The following RPS6 variants were observed in gnomAD, a reference collection of about 807,000 sequenced individuals.
RPS6 encodes small ribosomal subunit protein eS6.
RPS6 carries 1 observed loss-of-function variant against 27.1 expected under a neutral mutation model. The observed-to-expected ratio is 0.04, with a 90% CI of 0.01 to 0.18. The LOEUF is 0.18. Ranked by LOEUF, RPS6 falls within the 10% of genes least tolerant of loss-of-function variation. The pLI is 1.00. For missense variants in RPS6, 259 were observed against 319.1 expected (o/e 0.81, Z 1.44); for synonymous variants, 152 against 106.0 (o/e 1.43, Z -2.66).
intron 1 of RPS6, chr9:19,379,868 C>G (rs1312825846): frequency 2.1e-6 from 3 of 1,423,816 alleles, no homozygotes; most frequent in East Asian, 2.6e-5. Context: ...ACTCCGCAGC[C>G]GTTCACCCTC....
rs1053494027 is a variant in RPS6 at position 19,380,073 on chromosome 9, G to C, written c.6+117C>G. 5.6e-6 allele frequency: 9 copies of C among 1,610,776 alleles called. No homozygotes were observed. The African/African-American group carries it at 1.2e-4, about 22-fold the overall frequency. ...CAGAAAGGCGAGCCTTCTCCTACTT[G>C]AGACCCTTCTCCACCTAAAGCCAGG... On this transcript the variant is annotated intron_variant, in intron 1 of 5. Coordinates refer to ENST00000380394, the MANE Select transcript of RPS6 (RefSeq NM_001010.3).
At position 19,379,606 on chromosome 9, in the gene RPS6, A is replaced by T. The variant is rs751933360; in HGVS notation, c.19T>A (p.Phe7Ile). Residue 7 changes from phenylalanine to isoleucine, a missense_variant, in exon 2 of 6, where the codon TTC becomes ATC. By Grantham distance (21) the Phe-to-Ile change is conservative. Transcript: ENST00000380394. Reference protein sequence around the residue: MKLNISFPATGCQKLIE... With the variant: MKLNISIPATGCQKLIE... ...AGTTTCTGGCAGCCAGTGGCTGGGA[A>T]GGAGATGTTCAGCTAAGGATTAAAA... 1 of 1,613,810 alleles carries T rather than the reference A, an allele frequency of 6.2e-7. No individual in the cohort carries two copies.
At chr9:19,379,648 C>T (rs1261489281) in intron 1 of RPS6, 30 bp from the exon 2 acceptor site, 7 of 1,599,310 alleles carry the variant, frequency 4.4e-6, no homozygotes, top group African/African-American at 1.3e-5. Flanking sequence ...AAATAGTTTA[C>T]GAAACTATCT....
chr9:19,376,227 T>G lies in RPS6; in HGVS notation c.*66A>C. 1.5e-6 allele frequency: 2 copies of G among 1,338,536 alleles called. No homozygotes were observed. Among genetic ancestry groups the G allele is most frequent in the Non-Finnish European group, 2.1e-6 (2 of 951,630 alleles). The allele number at this position is 1,338,536 out of a possible 1,614,324, so 82.9% of individuals were successfully genotyped here. On this transcript the variant is annotated 3_prime_UTR_variant, in exon 6 of 6. Coordinates refer to ENST00000380394, the MANE Select transcript of RPS6 (RefSeq NM_001010.3). ...TTCCCTCTCTTCATTTATGTAGTTT[T>G]CTATCAGCAATGAAAAGTCAACAGA...
chr9:19,379,202 C>A, intron 2 of RPS6: 1 of 1,063,942 alleles, frequency 9.4e-7, no homozygotes, highest in Non-Finnish European at 1.3e-6. Context: ...TCAGATACAA[C>A]CCTTTTTGGC....
intron 4 of RPS6, among the ~76,000 whole-genome samples, chr9:19,377,191 A>G (rs895290943): frequency 4.6e-5 from 7 of 152,228 alleles, no homozygotes; most frequent in South Asian, 4.1e-4. Flanking sequence ...GCCTTTTCAG[A>G]TGTATTTGTT....
At chr9:19,378,995 G>C in intron 2 of RPS6, 77 bp from the exon 3 acceptor site, 2 of 1,328,478 alleles carry the variant, frequency 1.5e-6, no homozygotes, top group East Asian at 2.4e-5. Context: ...TGACCTCTGT[G>C]AACACACCTA....
In RPS6 at chr9:19,376,108, C is replaced by G. The variant is rs1017707206; in HGVS notation, c.*185G>C. On this transcript the variant is annotated 3_prime_UTR_variant, in exon 6 of 6. Transcript: ENST00000380394. ...ATCCCCTGAAAGGAACCCCTGTACA[C>G]TGACCTTGTCTTCCACTACCACACA... 5 of 576,696 alleles carry G rather than the reference C, an allele frequency of 8.7e-6. No homozygotes were observed. The highest frequency in any genetic ancestry group is 1.5e-5 in the Non-Finnish European group (5 of 330,774). 35.7% of individuals were successfully genotyped at this position (576,696 alleles called of 1,614,324 possible). A position where few individuals can be genotyped will look rare whatever the true frequency, so the allele number is the denominator to read the frequency against.
rs536973556 is a variant in RPS6, at chr9:19,378,353, C to G, written c.496+15G>C. On this transcript the variant is annotated intron_variant, in intron 4 of 5. Transcript: ENST00000380394. Reference sequence around the variant, plus strand: ...ACCAAAATTAAGCAAGCCCTAATTGCATAATCCCTCCTACCTTCTTTATTT... The same window carrying G: ...ACCAAAATTAAGCAAGCCCTAATTGGATAATCCCTCCTACCTTCTTTATTT... 12 of 1,610,378 alleles carry G rather than the reference C, an allele frequency of 7.5e-6. No homozygotes were observed. The African/African-American group carries it at 1.6e-4, about 22-fold the overall frequency.
chr9:19,376,731 C>G, intron 4 of RPS6, 80 bp from the exon 5 acceptor site: 1 of 1,406,312 alleles, frequency 7.1e-7, no homozygotes, highest in Non-Finnish European at 9.7e-7. Flanking sequence ...CAGAAATAAA[C>G]GTAAGCTTAA....
intron 4 of RPS6, among the ~76,000 whole-genome samples, chr9:19,377,923 AAAGTGGGAG>A (rs1351506184): frequency 1.3e-5 from 2 of 152,200 alleles, no homozygotes; most frequent in Non-Finnish European, 2.9e-5. Context: ...TTGGGAAGCC[AAAGTGGGAG>A]CATCACTTGA....
intron 4 of RPS6, 92 bp from the exon 5 acceptor site, chr9:19,376,743 A>G: frequency 7.7e-7 from 1 of 1,301,914 alleles, no homozygotes; most frequent in Non-Finnish European, 1.1e-6. Context: ...TAAGCTTAAC[A>G]GCATCTATGA....
At chr9:19,379,953 C>T (rs1393895158) in intron 1 of RPS6, 19 of 1,437,194 alleles carry the variant, frequency 1.3e-5, no homozygotes, top group Non-Finnish European at 1.5e-5. Context: ...GCATCCGTCC[C>T]GGCTGGGCGC....
Position 19,380,218 on chromosome 9 carries a change from G to A in RPS6, c.-23C>T, listed in dbSNP as rs756121963. 1.3e-5 allele frequency: 21 copies of A among 1,613,020 alleles called. No homozygotes were observed. Among genetic ancestry groups the A allele is most frequent in the Middle Eastern group, 1.6e-4 (1 of 6,080 alleles). On this transcript the variant is annotated 5_prime_UTR_variant, in exon 1 of 6. Transcript: ENST00000380394. ...CATCTTGAAGCAGCTGAACGCCTCC[G>A]AGGCGCCACGGAAAAGAGGGCCAAC...
intron 4 of RPS6, among the ~76,000 whole-genome samples, chr9:19,377,810 T>C (rs1441529347): frequency 6.6e-6 from 1 of 152,220 alleles, no homozygotes; most frequent in Admixed American, 6.5e-5. Context: ...ACTATTGTTA[T>C]CCATATCCTA....
chr9:19,376,015 T>A lies in RPS6; in HGVS notation c.*278A>T, dbSNP rs1829573706. ...AAAAAGATTAATAGTCCTCATCATT[T>A]CCCCTAAGTTCCATGCCATTCTGAA... On this transcript the variant is annotated 3_prime_UTR_variant, in exon 6 of 6. Transcript: ENST00000380394. The A allele has an allele frequency of 3.4e-6, 1 of 297,820 alleles. No homozygotes were observed. The highest frequency in any genetic ancestry group is 6.2e-6 in the Non-Finnish European group (1 of 160,344). 18.4% of individuals were successfully genotyped at this position (297,820 alleles called of 1,614,324 possible). A position where few individuals can be genotyped will look rare whatever the true frequency, so the allele number is the denominator to read the frequency against.
chr9:19,379,850 G>A (rs1408943580), intron 1 of RPS6: 4 of 1,425,674 alleles, frequency 2.8e-6, no homozygotes, highest in Non-Finnish European at 1.8e-6. Context: ...GACTCTGGGG[G>A]CGAGGGCACT....
Position 19,379,569 on chromosome 9 carries a change from T to C in RPS6, c.56A>G (p.Asp19Gly). 1 of 1,614,194 alleles carries C rather than the reference T, an allele frequency of 6.2e-7. No homozygotes were observed. The highest frequency in any genetic ancestry group is 8.5e-7 in the Non-Finnish European group (1 of 1,180,028). ...GAAAGTACGAAGTTTGCGTTCATCG[T>C]CCACTTCAATGAGTTTCTGGCAGCC... ...ATGCQKLIEV[D>G]DERKLRTFYE... is the part of the protein sequence containing the mutation. The change falls in exon 2 of 6, where the codon GAC (aspartate) becomes GGC (glycine). Residue 19 changes from aspartate (D) to glycine (G), a missense_variant. Transcript: ENST00000380394.
intron 2 of RPS6, chr9:19,379,165 A>G: frequency 1.2e-6 from 1 of 848,384 alleles, no homozygotes; most frequent in Non-Finnish European, 1.8e-6. Context: ...CACTAAGAAG[A>G]TAAAATATCA....
Sources: allele counts gnomAD v4.1 joint callset (sites outside exome capture counted in the v4.1 genomes callset), GRCh38; gene constraint gnomAD v4.1.1; transcripts MANE v1.5; gene names NCBI Gene and HGNC (gene_info 2026-07-23, HGNC 2026-07-21).